The following HOMER1 variants were observed in gnomAD, a reference collection of about 807,000 sequenced individuals.
The protein encoded by HOMER1 is homer protein homolog 1.
In HOMER1, 3 loss-of-function variants were observed where a neutral mutation model predicts 48.9. The ratio of observed to expected loss-of-function variants is 0.06; its 90% CI spans 0.03 to 0.16. HOMER1 has a LOEUF of 0.16. HOMER1 is among the 10% of genes least tolerant of loss of function. The probability of loss-of-function intolerance (pLI) is 1.00; values close to 1 mark genes in which losing one functional copy is unlikely to be tolerated. For synonymous variants in HOMER1, 134 were observed against 146.4 expected (o/e 0.92, Z 0.61); for missense variants, 247 against 411.4 (o/e 0.60, Z 3.46).
intron 8 of HOMER1, among the ~76,000 whole-genome samples, chr5:79,381,209 C>A (rs71634972): frequency 6.6e-6 from 1 of 152,008 alleles, no homozygotes; most frequent in Non-Finnish European, 1.5e-5. Context: ...GAACTGCACC[C>A]TAAGCCACTA....
At chr5:79,462,832 G>T (rs562274322) in intron 1 of HOMER1, among the ~76,000 whole-genome samples, 12 of 152,144 alleles carry the variant, frequency 7.9e-5, no homozygotes, top group Non-Finnish European at 1.8e-4. Flanking sequence ...CATCCCAAGA[G>T]AGTGCAAAGG....
intron 5 of HOMER1, among the ~76,000 whole-genome samples, chr5:79,415,395 CA>C (rs1325789139): frequency 1.3e-5 from 2 of 151,800 alleles, no homozygotes; most frequent in East Asian, 3.9e-4. Context: ...ACTGATAGCA[CA>C]AAAAAATGAT....
At chr5:79,470,826 G>GTAC (rs1751595458) in intron 1 of HOMER1, among the ~76,000 whole-genome samples, 4 of 152,074 alleles carry the variant, frequency 2.6e-5, no homozygotes, top group Admixed American at 1.3e-4. Flanking sequence ...AGAAAACAAA[G>GTAC]TTGTAGCATA....
intron 5 of HOMER1, among the ~76,000 whole-genome samples, chr5:79,414,660 T>C (rs901915944): frequency 2.0e-5 from 3 of 152,184 alleles, no homozygotes; most frequent in African/African-American, 4.8e-5. Context: ...ATTACACACA[T>C]GAGCCACTGT....
chr5:79,499,124 G>A (rs559460731), intron 1 of HOMER1, among the ~76,000 whole-genome samples: 14 of 151,948 alleles, frequency 9.2e-5, no homozygotes, highest in Admixed American at 3.9e-4. Context: ...ATAAGCCACC[G>A]TCCCCAGCCA....
At chr5:79,424,436 T>C (rs761377707) in intron 5 of HOMER1, among the ~76,000 whole-genome samples, 25 of 152,178 alleles carry the variant, frequency 1.6e-4, no homozygotes, top group Non-Finnish European at 2.9e-4. Flanking sequence ...TATGCATCGA[T>C]AAATCAAGTA....
intron 1 of HOMER1, among the ~76,000 whole-genome samples, chr5:79,481,761 G>A (rs1751953362): frequency 1.3e-5 from 2 of 152,072 alleles, no homozygotes; most frequent in South Asian, 4.2e-4. Flanking sequence ...TGGGACATTG[G>A]GTAAAGTTTC....
intron 1 of HOMER1, among the ~76,000 whole-genome samples, chr5:79,475,578 A>C (rs138221420): frequency 2.0e-5 from 3 of 152,168 alleles, no homozygotes; most frequent in Non-Finnish European, 4.4e-5. Context: ...GATAAAATCT[A>C]GCCAATGTCT....
intron 1 of HOMER1, among the ~76,000 whole-genome samples, chr5:79,510,192 C>CA (rs778603970): frequency 2.7e-3 from 380 of 139,482 alleles, no homozygotes; most frequent in African/African-American, 4.9e-3. Flanking sequence ...ACAGGCTTTC[C>CA]AAAAAAAAAA....
intron 1 of HOMER1, among the ~76,000 whole-genome samples, chr5:79,507,651 T>G (rs1752816060): frequency 6.6e-6 from 1 of 152,052 alleles, no homozygotes; most frequent in Non-Finnish European, 1.5e-5. Context: ...GTTAGTCATA[T>G]TAATCTGAAA....
intron 1 of HOMER1, among the ~76,000 whole-genome samples, chr5:79,509,210 G>T (rs751251157): frequency 2.0e-5 from 3 of 152,088 alleles, no homozygotes; most frequent in African/African-American, 7.2e-5. Flanking sequence ...GGGGAAGGAA[G>T]GACTCCAGAA....
At chr5:79,493,075 C>T (rs750896027) in intron 1 of HOMER1, among the ~76,000 whole-genome samples, 29 of 152,114 alleles carry the variant, frequency 1.9e-4, no homozygotes, top group Admixed American at 4.6e-4. Flanking sequence ...TGCACCACCA[C>T]ACCTGGCTAA....
At chr5:79,436,561 C>CAT (rs1750590479) in intron 5 of HOMER1, among the ~76,000 whole-genome samples, 1 of 152,228 alleles carries the variant, frequency 6.6e-6, no homozygotes, top group African/African-American at 2.4e-5. Context: ...AGCGCACACA[C>CAT]ATATATGTAC....
At chr5:79,377,675 A>T (rs78272721) in intron 8 of HOMER1, among the ~76,000 whole-genome samples, 4,493 of 152,286 alleles carry the variant, frequency 0.03, 223 homozygotes, top group African/African-American at 0.1. Flanking sequence ...TGGAAATTTT[A>T]AAAAAATTAG....
intron 5 of HOMER1, among the ~76,000 whole-genome samples, chr5:79,432,159 TAAGAGGA>T (rs1320021443): frequency 6.6e-6 from 1 of 152,174 alleles, no homozygotes; most frequent in Admixed American, 6.5e-5. Flanking sequence ...ACTATTTGGG[TAAGAGGA>T]AAGATGGCCA....
intron 5 of HOMER1, among the ~76,000 whole-genome samples, chr5:79,433,975 C>T: frequency 6.6e-6 from 1 of 151,958 alleles, no homozygotes; most frequent in Non-Finnish European, 1.5e-5. Flanking sequence ...ATGCAATATC[C>T]CCAAAAATAC....
chr5:79,379,193 A>G (rs1369702558), intron 8 of HOMER1, among the ~76,000 whole-genome samples: 4 of 91,720 alleles, frequency 4.4e-5, no homozygotes, highest in African/African-American at 1.3e-4. Context: ...TTATATATCT[A>G]TAATATATAT....
At chr5:79,379,079 C>CATATATATAT (rs3082000) in intron 8 of HOMER1, among the ~76,000 whole-genome samples, 147 of 55,176 alleles carry the variant, frequency 2.7e-3, no homozygotes, top group South Asian at 5.7e-3. Flanking sequence ...ACCTTTTGTC[C>CATATATATAT]ATATATATAT....
intron 8 of HOMER1, among the ~76,000 whole-genome samples, chr5:79,376,884 C>G (rs947852496): frequency 2.6e-5 from 4 of 152,066 alleles, no homozygotes; most frequent in Non-Finnish European, 5.9e-5. Context: ...ACAAAAAAAA[C>G]ACTAAATGAT....
Sources: allele counts gnomAD v4.1 joint callset (sites outside exome capture counted in the v4.1 genomes callset), GRCh38; gene constraint gnomAD v4.1.1; transcripts MANE v1.5; gene names NCBI Gene and HGNC (gene_info 2026-07-23, HGNC 2026-07-21).